Variants in RASGRP3 observed in about 807,000 individuals in gnomAD.
RASGRP3 encodes RAS guanyl releasing protein 3.
RASGRP3 carries 54 observed loss-of-function variants against 82.7 expected under a neutral mutation model. That is an observed-to-expected ratio of 0.65 (90% CI 0.52 to 0.82). The LOEUF is 0.82. Among genes scored for constraint, RASGRP3 ranks in the 40% least tolerant of loss-of-function variants. The probability of loss-of-function intolerance (pLI) is 0.00; values close to 1 mark genes in which losing one functional copy is unlikely to be tolerated. For missense variants in RASGRP3, 861 were observed against 828.9 expected (o/e 1.04, Z -0.48); for synonymous variants, 309 against 300.5 (o/e 1.03, Z -0.29).
chr2:33,544,111 A>G (rs1396036395), intron 13 of RASGRP3, among the ~76,000 whole-genome samples: 4 of 152,056 alleles, frequency 2.6e-5, no homozygotes, highest in Non-Finnish European at 4.4e-5. Context: ...GCCAGGAGTT[A>G]AAGACCAGCC....
intron 15 of RASGRP3, among the ~76,000 whole-genome samples, chr2:33,555,903 C>T (rs892490058): frequency 1.3e-5 from 2 of 152,210 alleles, no homozygotes; most frequent in African/African-American, 4.8e-5. Flanking sequence ...AAAACACCTA[C>T]ACACTATTTC....
In RASGRP3 at chr2:33,447,216, A is replaced by G. The variant is rs547414096; in HGVS notation, c.-384-604A>G. Among the ~76,000 whole-genome samples the G allele has an allele frequency of 3.3e-5, 5 of 152,280 alleles. 1 individual carries two copies. In the South Asian group the frequency reaches 1.0e-3, roughly 32 times the overall value. On this transcript the variant is annotated intron_variant, in intron 1 of 18. Coordinates refer to the RASGRP3 transcript ENST00000402538. ...AGTGGTCCCACTGGTTGATTTCACA[A>G]AACAGTGAGAATCAGGGACCTACAA...
intron 1 of RASGRP3, among the ~76,000 whole-genome samples, chr2:33,479,207 T>C (rs902959215): frequency 6.6e-6 from 1 of 152,242 alleles, no homozygotes; most frequent in African/African-American, 2.4e-5. Context: ...GGTTTCCCCC[T>C]GTGACAGTCC....
intron 2 of RASGRP3, among the ~76,000 whole-genome samples, chr2:33,461,909 G>A (rs74954621): frequency 1.3e-5 from 2 of 152,206 alleles, no homozygotes; most frequent in African/African-American, 2.4e-5. Context: ...GCCTCACGAG[G>A]TTATAACCAA....
intron 1 of RASGRP3, among the ~76,000 whole-genome samples, chr2:33,500,882 C>T (rs1669807117): frequency 1.3e-5 from 2 of 152,102 alleles, no homozygotes; most frequent in African/African-American, 4.8e-5. Context: ...TGCAGTGAGC[C>T]AAGATCGCAC....
Position 33,516,654 on chromosome 2 carries a change from C to T in RASGRP3, c.173+10C>T. On this transcript the variant is annotated intron_variant, in intron 4 of 17. Transcript: ENST00000403687. ...AAAAACTTCTCTGCATATATCTTTT[C>T]AACTACTGTGTAATTTTTACAATCA... is the stretch of plus-strand genomic sequence containing the variant. 6.8e-7 allele frequency: 1 copy of T among 1,476,940 alleles called. No homozygotes were observed. The highest frequency in any genetic ancestry group is 9.3e-7 in the Non-Finnish European group (1 of 1,071,244). 91.5% of individuals were successfully genotyped at this position (1,476,940 alleles called of 1,614,324 possible).
At chr2:33,553,787 C>T (rs1039639193) in intron 14 of RASGRP3, among the ~76,000 whole-genome samples, 3 of 152,042 alleles carry the variant, frequency 2.0e-5, no homozygotes, top group South Asian at 4.2e-4. Flanking sequence ...CTCTCTCTGT[C>T]GCCTGCAGTG....
At position 33,562,706 on chromosome 2, in the gene RASGRP3, A is replaced by C. The variant is rs13415927; in HGVS notation, c.2065-23A>C. ...TTGTTATATGAGATCCAGCCATGCA[A>C]TAGGTTCCAATTTGTGTTTCAGGAT... On this transcript the variant is annotated intron_variant, in intron 17 of 17. Transcript: ENST00000403687. 6.8e-6 allele frequency: 11 copies of C among 1,612,132 alleles called. 1 individual carries two copies. The South Asian group carries it at 1.2e-4, about 18-fold the overall frequency.
chr2:33,535,207 CAG>C (rs1673486040), intron 11 of RASGRP3, among the ~76,000 whole-genome samples: 1 of 152,140 alleles, frequency 6.6e-6, no homozygotes, highest in South Asian at 2.1e-4. Context: ...TAATAGATGG[CAG>C]ACGCTTAGTA....
At chr2:33,460,299 G>A (rs904971950) in intron 2 of RASGRP3, among the ~76,000 whole-genome samples, 7 of 152,098 alleles carry the variant, frequency 4.6e-5, no homozygotes, top group African/African-American at 9.7e-5. Flanking sequence ...GAGTAATGGG[G>A]TTTTGAAAGT....
chr2:33,500,140 G>A (rs570042967), intron 1 of RASGRP3, among the ~76,000 whole-genome samples: 1 of 152,298 alleles, frequency 6.6e-6, no homozygotes, highest in African/African-American at 2.4e-5. Context: ...CATGGGGTCT[G>A]TGAAACCAGA....
At chr2:33,515,323 C>G in intron 3 of RASGRP3, 117 bp downstream of exon 3, 1 of 1,058,434 alleles carries the variant, frequency 9.4e-7, no homozygotes, top group Non-Finnish European at 1.4e-6. Context: ...GTATTTAAGG[C>G]CTTTCGGATG....
At chr2:33,491,356 C>T (rs144543353) in intron 1 of RASGRP3, among the ~76,000 whole-genome samples, 42 of 151,380 alleles carry the variant, frequency 2.8e-4, no homozygotes, top group African/African-American at 9.7e-4. Flanking sequence ...TTAATTGTCA[C>T]CCAGAAAAAA....
chr2:33,564,528 G>C lies in RASGRP3; in HGVS notation c.*1791G>C, dbSNP rs911668682. On this transcript the variant is annotated 3_prime_UTR_variant, in exon 18 of 18. Coordinates refer to ENST00000403687, the MANE Select transcript of RASGRP3 (RefSeq NM_001139488.2). ...CAATCTAAGTACAGAAAAGCTTTTT[G>C]TGTGTTTAAAAAAATTGAAGAAAAT... 1.3e-5 allele frequency: 2 copies of C among 152,106 alleles called. No individual in the cohort carries two copies. Among genetic ancestry groups the C allele is most frequent in the East Asian group, 3.9e-4 (2 of 5,192 alleles). 9.4% of individuals were successfully genotyped at this position (152,106 alleles called of 1,614,324 possible).
chr2:33,450,945 C>A (rs945516626), intron 2 of RASGRP3, among the ~76,000 whole-genome samples: 2 of 146,716 alleles, frequency 1.4e-5, no homozygotes, highest in Non-Finnish European at 3.0e-5. Flanking sequence ...TCACAGCATT[C>A]TCCTGCCTCA....
At chr2:33,480,338 C>T in intron 1 of RASGRP3, among the ~76,000 whole-genome samples, 1 of 152,156 alleles carries the variant, frequency 6.6e-6, no homozygotes, top group Non-Finnish European at 1.5e-5. Context: ...CCACTGCGCC[C>T]AGCCCGCATG....
chr2:33,466,299 T>A (rs911745789), intron 2 of RASGRP3, among the ~76,000 whole-genome samples: 4 of 152,196 alleles, frequency 2.6e-5, no homozygotes, highest in African/African-American at 9.6e-5. Flanking sequence ...TCGTGATTCA[T>A]GGGAGGAGGT....
At chr2:33,557,447 C>T (rs570148126) in intron 15 of RASGRP3, among the ~76,000 whole-genome samples, 4 of 152,254 alleles carry the variant, frequency 2.6e-5, no homozygotes, top group South Asian at 2.1e-4. Flanking sequence ...CGGTGGCTCA[C>T]GCCTGTAATC....
At chr2:33,468,321 G>A (rs1666844687) in intron 2 of RASGRP3, among the ~76,000 whole-genome samples, 2 of 151,580 alleles carry the variant, frequency 1.3e-5, no homozygotes, top group East Asian at 3.9e-4. Context: ...TAGAAAAATG[G>A]GATTGTACTG....
Sources: allele counts gnomAD v4.1 joint callset (sites outside exome capture counted in the v4.1 genomes callset), GRCh38; gene constraint gnomAD v4.1.1; transcripts MANE v1.5; gene names NCBI Gene and HGNC (gene_info 2026-07-23, HGNC 2026-07-21).